The following PINX1 variants were observed in gnomAD, a reference collection of about 807,000 sequenced individuals.
The protein encoded by PINX1 is PIN2/TERF1-interacting telomerase inhibitor 1.
Under a neutral mutation model 25.4 loss-of-function variants are expected in PINX1, and 34 were observed. The observed-to-expected ratio is 1.34, with a 90% CI of 1.02 to 1.78. PINX1 has a LOEUF of 1.78. Among genes scored for constraint, PINX1 ranks in the 40% most tolerant of loss-of-function variants. The pLI, the probability that PINX1 is intolerant of heterozygous loss-of-function variation, is 0.00. For missense variants in PINX1, 592 were observed against 404.9 expected (o/e 1.46, Z -3.97); for synonymous variants, 197 against 147.7 (o/e 1.33, Z -2.42).
chr8:10,779,101 A>G (rs1801503650), intron 6 of PINX1, among the ~76,000 whole-genome samples: 1 of 152,230 alleles, frequency 6.6e-6, no homozygotes, highest in African/African-American at 2.4e-5. Context: ...ATCCTAAATG[A>G]TGCCAAGTAT....
At chr8:10,796,506 G>A (rs1802088841) in intron 6 of PINX1, among the ~76,000 whole-genome samples, 1 of 152,126 alleles carries the variant, frequency 6.6e-6, no homozygotes, top group Non-Finnish European at 1.5e-5. Flanking sequence ...GAGGAGGACT[G>A]AGCTGGCCAG....
At chr8:10,781,197 A>G (rs1225419458) in intron 6 of PINX1, among the ~76,000 whole-genome samples, 1 of 152,214 alleles carries the variant, frequency 6.6e-6, no homozygotes. Flanking sequence ...ACAAAAATCA[A>G]CTCAAAATGG....
At chr8:10,821,397 T>C (rs894269284) in intron 5 of PINX1, among the ~76,000 whole-genome samples, 2 of 152,218 alleles carry the variant, frequency 1.3e-5, no homozygotes, top group Admixed American at 6.5e-5. Context: ...CAGTACCAGA[T>C]GAAGTGGCCC....
At chr8:10,779,166 T>C (rs1486012996) in intron 6 of PINX1, among the ~76,000 whole-genome samples, 1 of 152,244 alleles carries the variant, frequency 6.6e-6, no homozygotes, top group Non-Finnish European at 1.5e-5. Context: ...CCGTATTTTT[T>C]AAAGGATTAT....
intron 6 of PINX1, among the ~76,000 whole-genome samples, chr8:10,788,655 T>C (rs995157785): frequency 2.0e-5 from 3 of 152,138 alleles, no homozygotes; most frequent in African/African-American, 7.2e-5. Context: ...ACCTAAGGCA[T>C]CTGTGTCTAA....
At chr8:10,775,424 T>TGG (rs1563203271) in intron 6 of PINX1, among the ~76,000 whole-genome samples, 4 of 138,768 alleles carry the variant, frequency 2.9e-5, no homozygotes, top group African/African-American at 7.9e-5. Flanking sequence ...TTTTTTTTTT[T>TGG]TTTTTTTTTT....
chr8:10,768,560 G>T lies in PINX1; in HGVS notation c.472-2644C>A, dbSNP rs6989072. ...GCAGGGCATGGAGACAGGCTAGAGA[G>T]GGGCCAGCACCCAAGTCCTACTTCT... On this transcript the variant is annotated intron_variant, in intron 6 of 6. Coordinates refer to ENST00000314787, the MANE Select transcript of PINX1 (RefSeq NM_017884.6). 2.0e-5 allele frequency among the ~76,000 whole-genome samples: 3 copies of T among 152,066 alleles called. No individual in the cohort carries two copies. The South Asian group carries it at 6.2e-4, about 32-fold the overall frequency.
At chr8:10,799,812 C>T (rs746305509) in intron 6 of PINX1, among the ~76,000 whole-genome samples, 11 of 152,200 alleles carry the variant, frequency 7.2e-5, no homozygotes, top group Non-Finnish European at 1.5e-4. Flanking sequence ...AACATGGATG[C>T]TGGGAATTTT....
At chr8:10,767,741 G>A (rs1345856317) in intron 6 of PINX1, among the ~76,000 whole-genome samples, 1 of 150,278 alleles carries the variant, frequency 6.7e-6, no homozygotes, top group Non-Finnish European at 1.5e-5. Context: ...AGACAGGCTC[G>A]GTGACCAGGC....
intron 6 of PINX1, among the ~76,000 whole-genome samples, chr8:10,786,874 G>T (rs752433065): frequency 6.6e-6 from 1 of 152,186 alleles, no homozygotes; most frequent in South Asian, 2.1e-4. Flanking sequence ...GCTAGTGGCA[G>T]ATTGCACCCC....
At chr8:10,804,183 C>A (rs190898179) in intron 6 of PINX1, among the ~76,000 whole-genome samples, 1 of 152,126 alleles carries the variant, frequency 6.6e-6, no homozygotes, top group African/African-American at 2.4e-5. Context: ...CAACGCAGAG[C>A]GCAGTGAGAG....
At chr8:10,789,227 G>C (rs752264509) in intron 6 of PINX1, among the ~76,000 whole-genome samples, 4 of 152,232 alleles carry the variant, frequency 2.6e-5, no homozygotes, top group Non-Finnish European at 5.9e-5. Context: ...ACCCTGCATA[G>C]ACAGAAGATG....
chr8:10,783,787 C>G (rs1801665162), intron 6 of PINX1, among the ~76,000 whole-genome samples: 1 of 152,178 alleles, frequency 6.6e-6, no homozygotes, highest in Non-Finnish European at 1.5e-5. Context: ...AGTACTATTA[C>G]TCAGAACTAT....
chr8:10,803,960 G>T (rs571042275), intron 6 of PINX1, among the ~76,000 whole-genome samples: 1 of 152,270 alleles, frequency 6.6e-6, no homozygotes, highest in Non-Finnish European at 1.5e-5. Flanking sequence ...TGATTCCCAT[G>T]AGTATTAAAG....
chr8:10,803,328 C>T lies in PINX1; in HGVS notation c.471+16865G>A, dbSNP rs1003913464. Among the ~76,000 whole-genome samples, 8 of 152,316 alleles carry T rather than the reference C, an allele frequency of 5.3e-5. No individual in the cohort carries two copies. The South Asian group carries it at 1.5e-3, about 28-fold the overall frequency. ...CCATTAGCACATCTAATCAAACAGACAATAATTTCTTGGCATCTAATGCGA... is the reference window on the plus strand; with the variant it reads ...CCATTAGCACATCTAATCAAACAGATAATAATTTCTTGGCATCTAATGCGA... On this transcript the variant is annotated intron_variant, in intron 6 of 6. Transcript: ENST00000314787.
chr8:10,780,485 C>G (rs1166610462), intron 6 of PINX1, among the ~76,000 whole-genome samples: 2 of 152,122 alleles, frequency 1.3e-5, no homozygotes. Flanking sequence ...GTCTTTCCAT[C>G]TGTTAATATA....
intron 6 of PINX1, among the ~76,000 whole-genome samples, chr8:10,767,556 A>T (rs1404944785): frequency 2.6e-5 from 4 of 152,130 alleles, no homozygotes; most frequent in South Asian, 2.1e-4. Flanking sequence ...TGAGAAAAAT[A>T]AAAAAAATCT....
At chr8:10,829,237 G>C (rs1352192540) in intron 4 of PINX1, among the ~76,000 whole-genome samples, 5 of 139,656 alleles carry the variant, frequency 3.6e-5, no homozygotes, top group Non-Finnish European at 6.0e-5. Flanking sequence ...GGTAAGCCAA[G>C]ATTGTGCCAC....
Position 10,839,765 on chromosome 8 carries a change from G to C in PINX1, c.-9C>G, listed in dbSNP as rs1447270381. ...TCAGCCAGCATAGACATGTCGGAGA[G>C]CCTGTGATACCGCCGCCTCTGGACC... On this transcript the variant is annotated 5_prime_UTR_variant, in exon 1 of 7. Coordinates refer to ENST00000314787, the MANE Select transcript of PINX1 (RefSeq NM_017884.6). The C allele has an allele frequency of 6.2e-6, 10 of 1,602,742 alleles. No homozygotes were observed. Among genetic ancestry groups the C allele is most frequent in the Non-Finnish European group, 8.5e-6 (10 of 1,174,714 alleles).
Sources: gnomAD v4.1 joint callset for allele counts (sites outside exome capture counted in the v4.1 genomes callset) on GRCh38, gnomAD v4.1.1 for gene constraint, MANE v1.5 for transcripts, NCBI Gene and HGNC (gene_info 2026-07-23, HGNC 2026-07-21) for gene names.